Variants in WDR37 observed in about 807,000 individuals in gnomAD.
WDR37 encodes the protein WD repeat domain 37.
WDR37 carries 19 observed loss-of-function variants against 62.9 expected under a neutral mutation model. The observed-to-expected ratio is 0.30, with a 90% CI of 0.21 to 0.44. The LOEUF (loss-of-function observed/expected upper bound fraction) is 0.44, where lower values mean the gene tolerates loss of function less well. WDR37 is among the 20% of genes least tolerant of loss of function. The pLI is 1.00. For synonymous variants in WDR37, 250 were observed against 260.9 expected (o/e 0.96, Z 0.40); for missense variants, 474 against 657.6 (o/e 0.72, Z 3.05).
chr10:1,113,731 A>G (rs968963137), intron 11 of WDR37, among the ~76,000 whole-genome samples: 2 of 152,306 alleles, frequency 1.3e-5, no homozygotes, highest in African/African-American at 4.8e-5. Flanking sequence ...CTGAATTGCT[A>G]CAATCTCACA....
intron 11 of WDR37, among the ~76,000 whole-genome samples, chr10:1,119,136 G>A (rs897042462): frequency 2.6e-5 from 4 of 152,204 alleles, no homozygotes; most frequent in African/African-American, 7.2e-5. Flanking sequence ...TGGAAAATAC[G>A]TCTGTACAGG....
At chr10:1,063,582 G>A (rs1833440996) in intron 1 of WDR37, among the ~76,000 whole-genome samples, 1 of 152,148 alleles carries the variant, frequency 6.6e-6, no homozygotes. Flanking sequence ...TGAGGAGTTG[G>A]GGTTTTACTT....
chr10:1,065,201 C>T (rs758176212), intron 1 of WDR37, among the ~76,000 whole-genome samples: 2 of 152,118 alleles, frequency 1.3e-5, no homozygotes, highest in South Asian at 2.1e-4. Context: ...GAAGCATAAC[C>T]GTGGTGTGGT....
chr10:1,074,649 G>A lies in WDR37; in HGVS notation c.138+2356G>A, dbSNP rs1401695289. 6.1e-6 allele frequency: 4 copies of A among 650,928 alleles called. No homozygotes were observed. In the Admixed American group the frequency reaches 8.7e-5, roughly 14 times the overall value. The allele number at this position is 650,928 out of a possible 1,614,324, so 40.3% of individuals were successfully genotyped here. On this transcript the variant is annotated intron_variant, in intron 2 of 13. Transcript: ENST00000263150. ...CTGCCGCACGCGTTTGGCATGGTAG[G>A]TGTGAGGGGGGCGATCTCAGAACAG...
rs11250244 is a variant in WDR37, at chr10:1,056,770, C to A, written c.-239C>A. Reference sequence around the variant, plus strand: ...GTGGGGCGGCTTCCGGAGAACCCAGCGGCGCGGGACTGGGGCGGGACTTCC... The same window carrying A: ...GTGGGGCGGCTTCCGGAGAACCCAGAGGCGCGGGACTGGGGCGGGACTTCC... On this transcript the variant is annotated 5_prime_UTR_variant, in exon 1 of 14. Transcript: ENST00000263150. The A allele has an allele frequency of 0.31, 47,474 of 152,116 alleles. 7,612 individuals carry two copies. Among genetic ancestry groups the A allele is most frequent in the Non-Finnish European group, 0.35 (23,585 of 68,024 alleles). The allele number at this position is 152,116 out of a possible 1,614,324, so 9.4% of individuals were successfully genotyped here.
intron 1 of WDR37, among the ~76,000 whole-genome samples, chr10:1,066,692 A>T (rs1023005475): frequency 1.1e-4 from 17 of 152,264 alleles, no homozygotes; most frequent in Non-Finnish European, 2.1e-4. Flanking sequence ...ATTTTAAGAC[A>T]TACAGAACAA....
At chr10:1,074,594 C>T (rs927967944) in intron 2 of WDR37, 6 of 1,181,384 alleles carry the variant, frequency 5.1e-6, no homozygotes, top group African/African-American at 1.6e-5. Flanking sequence ...CTGCCTTCCC[C>T]CTGCCGTGGG....
intron 8 of WDR37, 54 bp from the exon 9 acceptor site, chr10:1,096,116 C>A (rs568195057): frequency 3.8e-6 from 6 of 1,563,840 alleles, no homozygotes; most frequent in Non-Finnish European, 5.3e-6. Context: ...CGGTGAAGAG[C>A]GCATTTTACC....
intron 11 of WDR37, among the ~76,000 whole-genome samples, chr10:1,106,308 G>A (rs1409063424): frequency 1.3e-5 from 2 of 152,090 alleles, no homozygotes; most frequent in Admixed American, 6.5e-5. Flanking sequence ...GGATCTTCCC[G>A]GCCGCTCCTC....
intron 11 of WDR37, among the ~76,000 whole-genome samples, chr10:1,111,039 T>C (rs1564510465): frequency 6.6e-6 from 1 of 152,236 alleles, no homozygotes; most frequent in Non-Finnish European, 1.5e-5. Flanking sequence ...CTTGTTGATG[T>C]AGGCTGGAAA....
At position 1,103,002 on chromosome 10, in the gene WDR37, TG is replaced by T. The variant is rs946390868; in HGVS notation, c.727-596del. Among the ~76,000 whole-genome samples the T allele has an allele frequency of 4.5e-4, 69 of 152,224 alleles. No homozygotes were observed. The highest frequency in any genetic ancestry group is 1.6e-3 in the African/African-American group (67 of 41,534). ...GTGTAAGCAGCACCTGGGCTGGGGG[TG>T]GGGACTGGCACTCTGTCACCCCCTG... is the stretch of plus-strand genomic sequence containing the variant. On this transcript the variant is annotated intron_variant, in intron 9 of 13. Coordinates refer to ENST00000263150, the MANE Select transcript of WDR37 (RefSeq NM_014023.4). This position sits in a 1 kb window ranked among gnomAD's most constrained non-coding sequence, Gnocchi z 6.3.
intron 9 of WDR37, among the ~76,000 whole-genome samples, chr10:1,101,588 G>A (rs571027487): frequency 6.6e-6 from 1 of 152,222 alleles, no homozygotes; most frequent in East Asian, 1.9e-4. Context: ...TGTTCCCTCC[G>A]CAGTTTGTTC....
intron 1 of WDR37, among the ~76,000 whole-genome samples, chr10:1,063,508 C>A (rs1033614210): frequency 6.6e-6 from 1 of 152,174 alleles, no homozygotes; most frequent in African/African-American, 2.4e-5. Flanking sequence ...ACTTCAGATT[C>A]CCACTCATGA....
chr10:1,105,027 C>G lies in WDR37; in HGVS notation c.962-99C>G. On this transcript the variant is annotated intron_variant, in intron 10 of 13. Transcript: ENST00000263150. The surrounding 1 kb of genome is among the most constrained non-coding windows in gnomAD (Gnocchi z 5.3). ...GATTCCATTAGGTCAGGTTCACAGT[C>G]TCAGAGAGACGGCTTCTTGGGTTCT... The G allele has an allele frequency of 6.8e-7, 1 of 1,471,608 alleles. No individual in the cohort carries two copies. The highest frequency in any genetic ancestry group is 9.2e-7 in the Non-Finnish European group (1 of 1,085,196). The allele number at this position is 1,471,608 out of a possible 1,614,324, so 91.2% of individuals were successfully genotyped here. A position where few individuals can be genotyped will look rare whatever the true frequency, so the allele number is the denominator to read the frequency against.
chr10:1,124,554 G>C (rs1292415309), intron 12 of WDR37, among the ~76,000 whole-genome samples: 1 of 152,120 alleles, frequency 6.6e-6, no homozygotes, highest in Non-Finnish European at 1.5e-5. Flanking sequence ...AGTGAGATTT[G>C]TGAGAATGAG....
chr10:1,096,445 T>C, intron 9 of WDR37, 199 bp downstream of exon 9: 1 of 605,378 alleles, frequency 1.7e-6, no homozygotes, highest in Non-Finnish European at 3.0e-6. Context: ...CGTGAGGTCC[T>C]CATAAGAGGA....
At chr10:1,088,807 C>T (rs983889351) in intron 7 of WDR37, among the ~76,000 whole-genome samples, 1 of 152,186 alleles carries the variant, frequency 6.6e-6, no homozygotes, top group East Asian at 1.9e-4. Flanking sequence ...GTGTTCAACG[C>T]AGGGTTGCCA....
intron 1 of WDR37, among the ~76,000 whole-genome samples, chr10:1,065,916 T>G (rs1208828837): frequency 6.6e-6 from 1 of 151,866 alleles, no homozygotes; most frequent in East Asian, 1.9e-4. Context: ...GATGACTTAA[T>G]AGTTGACATA....
chr10:1,102,270 T>A (rs1028616740), intron 9 of WDR37, among the ~76,000 whole-genome samples: 25 of 150,740 alleles, frequency 1.7e-4, no homozygotes, highest in South Asian at 4.2e-4. Context: ...GTGACGTGCG[T>A]TCCCGTGCCG....
Sources: gnomAD v4.1 joint callset for allele counts (sites outside exome capture counted in the v4.1 genomes callset) on GRCh38, gnomAD v4.1.1 for gene constraint, Gnocchi (gnomAD v3.1) non-coding constraint, MANE v1.5 for transcripts, NCBI Gene and HGNC (gene_info 2026-07-23, HGNC 2026-07-21) for gene names.